Variants in ZNF789 observed in about 807,000 individuals in gnomAD.
ZNF789 encodes the protein zinc finger protein 789.
A neutral mutation model predicts 15.6 loss-of-function variants in ZNF789; 11 were observed. The observed-to-expected ratio is 0.70, with a 90% CI of 0.44 to 1.16. The LOEUF is 1.16. Among genes scored for constraint, ZNF789 ranks in the 50% most tolerant of loss-of-function variants. The pLI is 0.00. For synonymous variants in ZNF789, 159 were observed against 176.0 expected (o/e 0.90, Z 0.76); for missense variants, 461 against 512.6 (o/e 0.90, Z 0.97).
chr7:99,475,806 C>CTTT (rs59681284), intron 1 of ZNF789, among the ~76,000 whole-genome samples: 4,430 of 128,290 alleles, frequency 0.035, 130 homozygotes, highest in Admixed American at 0.063. Context: ...TTTTTTCTTT[C>CTTT]TTTTTTTTTT....
At chr7:99,484,872 T>G (rs1799842294) in intron 4 of ZNF789, among the ~76,000 whole-genome samples, 1 of 152,088 alleles carries the variant, frequency 6.6e-6, no homozygotes, top group African/African-American at 2.4e-5. Context: ...GAGGTTGCAG[T>G]GAGCTGAGAT....
Position 99,486,636 on chromosome 7 carries a change from T to C in ZNF789, c.426T>C (p.Thr142=), listed in dbSNP as rs1406180826. The change falls in exon 5 of 5, where the codon ACT becomes ACC. Residue 142 remains threonine, a synonymous_variant. Coordinates refer to ENST00000331410, the MANE Select transcript of ZNF789 (RefSeq NM_213603.3). ...CKEFVDSCRL[T]FPTSGDEYSR... is the part of the protein sequence containing the mutation. ...AATTTGTGGACAGTTGCAGGCTTAC[T>C]TTCCCTACTAGTGGTGATGAATACA... 1 of 1,614,114 alleles carries C rather than the reference T, an allele frequency of 6.2e-7. No individual in the cohort carries two copies. Among genetic ancestry groups the C allele is most frequent in the Non-Finnish European group, 8.5e-7 (1 of 1,180,054 alleles).
At chr7:99,482,878 A>G (rs1200601111) in intron 3 of ZNF789, among the ~76,000 whole-genome samples, 4 of 152,030 alleles carry the variant, frequency 2.6e-5, no homozygotes, top group Non-Finnish European at 5.9e-5. Flanking sequence ...AATTTGGATC[A>G]TGCTATATAT....
At chr7:99,478,029 C>T (rs1422479835) in intron 2 of ZNF789, among the ~76,000 whole-genome samples, 1 of 152,146 alleles carries the variant, frequency 6.6e-6, no homozygotes, top group Non-Finnish European at 1.5e-5. Flanking sequence ...TGTCAATGTA[C>T]AAGTCCTAGC....
chr7:99,476,358 A>T (rs892307461), intron 1 of ZNF789, 45 bp from the exon 2 acceptor site: 2 of 1,423,460 alleles, frequency 1.4e-6, no homozygotes, highest in African/African-American at 1.4e-5. Context: ...CAACCAAGAG[A>T]GCTTCAAATT....
At chr7:99,486,416 C>A (rs150412210) in intron 4 of ZNF789, 60 bp from the exon 5 acceptor site, 1 of 1,486,076 alleles carries the variant, frequency 6.7e-7, no homozygotes, top group African/African-American at 1.4e-5. Context: ...GTTGCCTTCT[C>A]TTCCTTTTTT....
intron 3 of ZNF789, among the ~76,000 whole-genome samples, chr7:99,482,491 A>G (rs892476339): frequency 6.6e-6 from 1 of 152,164 alleles, no homozygotes; most frequent in African/African-American, 2.4e-5. Context: ...TGGATTAGGG[A>G]TGTTCAAACT....
intron 1 of ZNF789, among the ~76,000 whole-genome samples, chr7:99,475,394 TAA>T (rs745801828): frequency 7.0e-6 from 1 of 143,074 alleles, no homozygotes. Context: ...AAACTCTGTT[TAA>T]AAAAAAAAAA....
chr7:99,483,770 G>C (rs1299753014), intron 3 of ZNF789: 1 of 780,970 alleles, frequency 1.3e-6, no homozygotes, highest in Non-Finnish European at 2.4e-6. Flanking sequence ...CAATACCACT[G>C]TGCTGAACGT....
intron 4 of ZNF789, among the ~76,000 whole-genome samples, chr7:99,484,860 C>T (rs1799841612): frequency 6.6e-6 from 1 of 152,038 alleles, no homozygotes; most frequent in Non-Finnish European, 1.5e-5. Flanking sequence ...GCCTGGGAGG[C>T]AGAGGTTGCA....
intron 4 of ZNF789, chr7:99,485,364 C>T: frequency 1.3e-6 from 1 of 751,918 alleles, no homozygotes; most frequent in South Asian, 1.5e-5. Flanking sequence ...GTTGAACCTC[C>T]CCAGGTGTGA....
At chr7:99,473,810 T>TG in intron 1 of ZNF789, among the ~76,000 whole-genome samples, 1 of 152,036 alleles carries the variant, frequency 6.6e-6, no homozygotes, top group East Asian at 1.9e-4. Flanking sequence ...TAGTGGAGAC[T>TG]GGGTTTCACT....
chr7:99,486,344 G>C, intron 4 of ZNF789, 132 bp from the exon 5 acceptor site: 1 of 943,788 alleles, frequency 1.1e-6, no homozygotes, highest in South Asian at 1.8e-5. Flanking sequence ...TTGGCCTCTT[G>C]AGTCTGATGA....
rs754543257 is a variant in ZNF789, at chr7:99,487,264, A to G, written c.1054A>G (p.Arg352Gly). Residue 352 changes from arginine (R) to glycine (G), a missense_variant, in exon 5 of 5, where the codon AGG becomes GGG. Arg to Gly is a moderately radical substitution (Grantham distance 125). Coordinates refer to ENST00000331410, the MANE Select transcript of ZNF789 (RefSeq NM_213603.3). The stretch of plus-strand genomic sequence containing the variant: ...CAGTGAATGTGGACAGTCCTTTGGT[A>G]GGAATGTGGATCTCATTCAGCATCA... ...KCSECGQSFG[R>G]NVDLIQHQRI... 2 of 1,614,118 alleles carry G rather than the reference A, an allele frequency of 1.2e-6. No individual in the cohort carries two copies. Among genetic ancestry groups the G allele is most frequent in the East Asian group, 2.2e-5 (1 of 44,906 alleles).
At chr7:99,484,169 G>A in intron 4 of ZNF789, 26 bp downstream of exon 4, 2 of 1,583,912 alleles carry the variant, frequency 1.3e-6, no homozygotes, top group Non-Finnish European at 1.7e-6. Flanking sequence ...ACCCAGGCGA[G>A]TGGAATCAGG....
chr7:99,486,709 C>G lies in ZNF789; in HGVS notation c.499C>G (p.Gln167Glu). Reference protein sequence around the residue: ...NLNLIQDQNAQTRWKQGRYDE... With the variant: ...NLNLIQDQNAETRWKQGRYDE... Reference sequence around the variant, plus strand: ...TAACCTTATTCAAGATCAGAATGCGCAAACAAGGTGGAAGCAGGGCAGATA... The same window carrying G: ...TAACCTTATTCAAGATCAGAATGCGGAAACAAGGTGGAAGCAGGGCAGATA... The change falls in exon 5 of 5, where the codon CAA (glutamine) becomes GAA (glutamate). Residue 167 changes from glutamine (Q) to glutamate (E), a missense_variant. Gln to Glu is a conservative substitution (Grantham distance 29). Coordinates refer to ENST00000331410, the MANE Select transcript of ZNF789 (RefSeq NM_213603.3). The G allele has an allele frequency of 6.2e-7, 1 of 1,614,202 alleles. No homozygotes were observed. Among genetic ancestry groups the G allele is most frequent in the Non-Finnish European group, 8.5e-7 (1 of 1,180,050 alleles).
Position 99,479,704 on chromosome 7 carries a change from AGGAGTG to A in ZNF789, c.71_76del (p.Glu24_Trp25del). The A allele has an allele frequency of 6.2e-7, 1 of 1,613,388 alleles. No individual in the cohort carries two copies. The highest frequency in any genetic ancestry group is 8.5e-7 in the Non-Finnish European group (1 of 1,179,742). ...GATGTGGCGATGTACTTCACCAGAG[AGGAGTG>A]GGGCCACCTCAACTGGGGTCAGAAG... On this transcript the variant is annotated inframe_deletion, in exon 3 of 5. Transcript: ENST00000331410.
chr7:99,475,938 G>A (rs757196164), intron 1 of ZNF789, among the ~76,000 whole-genome samples: 16 of 151,546 alleles, frequency 1.1e-4, no homozygotes, highest in Admixed American at 2.6e-4. Flanking sequence ...CCAAGTAGCT[G>A]GGAGTACAGG....
intron 4 of ZNF789, 151 bp downstream of exon 4, chr7:99,484,294 A>C (rs1218435458): frequency 4.9e-6 from 3 of 613,130 alleles, no homozygotes; most frequent in African/African-American, 3.7e-5. Flanking sequence ...AGTGGGAGGA[A>C]GATCGGCGTC....
Sources: allele counts gnomAD v4.1 joint callset (sites outside exome capture counted in the v4.1 genomes callset), GRCh38; gene constraint gnomAD v4.1.1; transcripts MANE v1.5; gene names NCBI Gene and HGNC (gene_info 2026-07-23, HGNC 2026-07-21).